Variants in PTPRM observed in about 807,000 individuals in gnomAD.
PTPRM encodes receptor-type tyrosine-protein phosphatase mu.
PTPRM carries 47 observed loss-of-function variants against 186.7 expected under a neutral mutation model. The observed-to-expected ratio is 0.25, with a 90% CI of 0.20 to 0.32. The LOEUF (loss-of-function observed/expected upper bound fraction) is 0.32. Among genes scored for constraint, PTPRM ranks in the 10% least tolerant of loss-of-function variants. PTPRM has a pLI of 1.00. For missense variants in PTPRM, 1,494 were observed against 1,865.0 expected, an observed-to-expected ratio of 0.80 and a Z score of 3.66; for synonymous variants, 668 against 674.9, an observed-to-expected ratio of 0.99 and a Z score of 0.16.
chr18:8,005,262 C>A (rs555263578), intron 7 of PTPRM, among the ~76,000 whole-genome samples: 14 of 152,118 alleles, frequency 9.2e-5, no homozygotes, highest in Non-Finnish European at 1.9e-4. Flanking sequence ...AATTCATAAA[C>A]CCTCTCAAGT....
intron 4 of PTPRM, among the ~76,000 whole-genome samples, chr18:7,923,991 AAG>A (rs1236570179): frequency 6.6e-6 from 1 of 152,266 alleles, no homozygotes; most frequent in African/African-American, 2.4e-5. Flanking sequence ...AGATCTATAA[AAG>A]AGAGCGAATT....
At chr18:8,029,620 G>T (rs1278578406) in intron 7 of PTPRM, among the ~76,000 whole-genome samples, 1 of 152,100 alleles carries the variant, frequency 6.6e-6, no homozygotes, top group Non-Finnish European at 1.5e-5. Context: ...TTTGTATCTT[G>T]TATATGCCTC....
At chr18:7,881,437 G>A (rs189335292) in intron 2 of PTPRM, among the ~76,000 whole-genome samples, 1 of 152,172 alleles carries the variant, frequency 6.6e-6, no homozygotes, top group Non-Finnish European at 1.5e-5. Flanking sequence ...CTCCGTCTTG[G>A]AGTAGGGCAG....
intron 6 of PTPRM, among the ~76,000 whole-genome samples, chr18:7,952,688 CAAA>C (rs759055250): frequency 5.3e-5 from 5 of 93,910 alleles, no homozygotes; most frequent in Non-Finnish European, 4.4e-5. Flanking sequence ...GACTCCATCT[CAAA>C]AAAAAAAAAA....
chr18:8,222,757 G>C (rs895372189), intron 14 of PTPRM, among the ~76,000 whole-genome samples: 1 of 152,178 alleles, frequency 6.6e-6, no homozygotes, highest in African/African-American at 2.4e-5. Context: ...ATGACACCAG[G>C]GTTTCACTAT....
At chr18:7,705,325 ATCTG>A (rs1222961839) in intron 1 of PTPRM, among the ~76,000 whole-genome samples, 45 of 140,246 alleles carry the variant, frequency 3.2e-4, no homozygotes, top group African/African-American at 4.9e-4. Flanking sequence ...CTATCTATCT[ATCTG>A]TCTATCTAGC....
intron 7 of PTPRM, among the ~76,000 whole-genome samples, chr18:8,039,997 A>G (rs781477172): frequency 1.3e-5 from 2 of 152,316 alleles, no homozygotes; most frequent in East Asian, 1.9e-4. Flanking sequence ...TTGTAAACCA[A>G]TAGAACAAGT....
intron 1 of PTPRM, among the ~76,000 whole-genome samples, chr18:7,656,733 TG>T (rs34814072): frequency 4.6e-5 from 7 of 152,246 alleles, no homozygotes; most frequent in Admixed American, 6.5e-5. Context: ...ACCCATTTGG[TG>T]GAACTATGGA....
chr18:7,660,876 C>G (rs2038963082), intron 1 of PTPRM, among the ~76,000 whole-genome samples: 1 of 151,994 alleles, frequency 6.6e-6, no homozygotes, highest in Admixed American at 6.6e-5. Flanking sequence ...GAGGCTGATG[C>G]AGGAGAATCG....
intron 1 of PTPRM, among the ~76,000 whole-genome samples, chr18:7,574,291 G>A (rs2036632987): frequency 6.6e-6 from 1 of 152,076 alleles, no homozygotes; most frequent in African/African-American, 2.4e-5. Flanking sequence ...GAATAAAAAA[G>A]TTTCCTATGT....
intron 14 of PTPRM, among the ~76,000 whole-genome samples, chr18:8,153,521 G>A (rs1276131225): frequency 6.6e-6 from 1 of 152,078 alleles, no homozygotes; most frequent in East Asian, 1.9e-4. Flanking sequence ...GTGCCACTTT[G>A]GGATTTGCTT....
chr18:7,611,409 A>G (rs191496483), intron 1 of PTPRM, among the ~76,000 whole-genome samples: 332 of 152,290 alleles, frequency 2.2e-3, no homozygotes, highest in African/African-American at 7.6e-3. Flanking sequence ...AGCTCCATTC[A>G]TGGTAACTGC....
intron 1 of PTPRM, among the ~76,000 whole-genome samples, chr18:7,697,393 C>G (rs1188072526): frequency 1.3e-5 from 2 of 152,090 alleles, no homozygotes; most frequent in Admixed American, 1.3e-4. Context: ...AGACTATAAA[C>G]AAACAAGCAA....
intron 1 of PTPRM, among the ~76,000 whole-genome samples, chr18:7,708,352 C>G (rs1411886721): frequency 6.6e-6 from 1 of 152,120 alleles, no homozygotes; most frequent in African/African-American, 2.4e-5. Flanking sequence ...TTAAATTATC[C>G]TTTTCTAAAA....
chr18:8,256,849 A>C (rs1051164512), intron 19 of PTPRM, among the ~76,000 whole-genome samples: 1 of 152,246 alleles, frequency 6.6e-6, no homozygotes, highest in African/African-American at 2.4e-5. Context: ...TCTAAGTTGG[A>C]GAGTCCTAAG....
chr18:7,639,313 G>T (rs928295637), intron 1 of PTPRM, among the ~76,000 whole-genome samples: 1 of 151,414 alleles, frequency 6.6e-6, no homozygotes, highest in African/African-American at 2.4e-5. Context: ...CTCGTGATCC[G>T]CCTGCCTTGG....
chr18:8,156,944 T>G (rs2093133452), intron 14 of PTPRM, among the ~76,000 whole-genome samples: 1 of 152,188 alleles, frequency 6.6e-6, no homozygotes, highest in Non-Finnish European at 1.5e-5. Flanking sequence ...CTCTCAATGG[T>G]GAGGATGCTG....
intron 1 of PTPRM, among the ~76,000 whole-genome samples, chr18:7,645,417 C>G (rs1015318742): frequency 6.6e-6 from 1 of 152,054 alleles, no homozygotes; most frequent in Non-Finnish European, 1.5e-5. Context: ...CCTATTTTGT[C>G]AAAATGGTAA....
chr18:7,570,753 C>T (rs972077339), intron 1 of PTPRM, among the ~76,000 whole-genome samples: 1 of 152,122 alleles, frequency 6.6e-6, no homozygotes, highest in African/African-American at 2.4e-5. Flanking sequence ...GCAGTGCTCT[C>T]CTGTCCTCTT....
Sources: allele counts gnomAD v4.1 joint callset (sites outside exome capture counted in the v4.1 genomes callset), GRCh38; gene constraint gnomAD v4.1.1; transcripts MANE v1.5; gene names NCBI Gene and HGNC (gene_info 2026-07-23, HGNC 2026-07-21).